CHCHD6: variants seen among roughly 807,000 people sequenced by gnomAD.
CHCHD6 encodes coiled-coil-helix-coiled-coil-helix domain containing 6, also known as MICOS complex subunit MIC25.
CHCHD6 carries 28 observed loss-of-function variants against 32.3 expected under a neutral mutation model. That is an observed-to-expected ratio of 0.87 (90% CI 0.64 to 1.19). CHCHD6 has a LOEUF of 1.19. Ranked by LOEUF, CHCHD6 falls within the 50% of genes most tolerant of loss-of-function variation. CHCHD6 has a pLI of 0.00. For synonymous variants in CHCHD6, 122 were observed against 117.5 expected (o/e 1.04, Z -0.25); for missense variants, 333 against 307.0 (o/e 1.08, Z -0.63).
chr3:126,852,843 C>A, intron 5 of CHCHD6, 113 bp downstream of exon 5: 1 of 692,058 alleles, frequency 1.4e-6, no homozygotes, highest in Non-Finnish European at 2.6e-6. Context: ...GCCCATTCGC[C>A]CAGATGCCAG....
rs544955430 is a variant in CHCHD6, at chr3:126,940,289, T to A, written c.567-17127T>A. 5.3e-5 allele frequency among the ~76,000 whole-genome samples: 8 copies of A among 152,346 alleles called. No individual in the cohort carries two copies. In the East Asian group the frequency reaches 1.3e-3, roughly 26 times the overall value. ...ACACAGCTGCACATAAATGAGACCA[T>A]GAGTTTGTGTTCAACACACAGTTCA... On this transcript the variant is annotated intron_variant, in intron 6 of 7. Coordinates refer to ENST00000290913, the MANE Select transcript of CHCHD6 (RefSeq NM_032343.3).
intron 4 of CHCHD6, among the ~76,000 whole-genome samples, chr3:126,838,700 A>G (rs1940957148): frequency 6.6e-6 from 1 of 152,214 alleles, no homozygotes; most frequent in African/African-American, 2.4e-5. Flanking sequence ...ACAGCAGGGC[A>G]GAATCACAGC....
chr3:126,822,497 G>T (rs544398749), intron 4 of CHCHD6, among the ~76,000 whole-genome samples: 18 of 152,320 alleles, frequency 1.2e-4, no homozygotes, highest in African/African-American at 4.1e-4. Context: ...GAAATCAAGA[G>T]ATGTGAGTCC....
At position 126,852,627 on chromosome 3, in the gene CHCHD6, C is replaced by G. The variant is rs1941511299; in HGVS notation, c.412-20C>G. 6.2e-7 allele frequency: 1 copy of G among 1,605,542 alleles called. No individual in the cohort carries two copies. The highest frequency in any genetic ancestry group is 1.3e-5 in the African/African-American group (1 of 74,760). Reference sequence around the variant, plus strand: ...CACCATCGCTGCTGGCTAACGTGGGCTTTGTTCTCTTCCAAGCAGGCCAGG... The same window carrying G: ...CACCATCGCTGCTGGCTAACGTGGGGTTTGTTCTCTTCCAAGCAGGCCAGG... On this transcript the variant is annotated intron_variant, in intron 4 of 7. Transcript: ENST00000290913.
intron 4 of CHCHD6, among the ~76,000 whole-genome samples, chr3:126,851,673 A>G (rs1448715935): frequency 6.6e-6 from 1 of 152,200 alleles, no homozygotes; most frequent in Non-Finnish European, 1.5e-5. Flanking sequence ...CCTGGGGCCT[A>G]GGCCTGGGAA....
intron 4 of CHCHD6, among the ~76,000 whole-genome samples, chr3:126,755,747 G>T (rs1345610340): frequency 6.6e-6 from 1 of 152,038 alleles, no homozygotes; most frequent in African/African-American, 2.4e-5. Context: ...GTATGAGATG[G>T]GAATGAAGTC....
At chr3:126,767,671 G>C (rs1178146506) in intron 4 of CHCHD6, among the ~76,000 whole-genome samples, 1 of 152,154 alleles carries the variant, frequency 6.6e-6, no homozygotes, top group Non-Finnish European at 1.5e-5. Context: ...CAGGGGTTTG[G>C]TGTACTAATA....
intron 6 of CHCHD6, among the ~76,000 whole-genome samples, chr3:126,923,786 G>A (rs570237607): frequency 1.3e-5 from 2 of 152,354 alleles, no homozygotes; most frequent in Middle Eastern, 3.4e-3. Flanking sequence ...TGTCAGGCAC[G>A]TAGTAAGCAC....
At chr3:126,838,645 C>G (rs1031730056) in intron 4 of CHCHD6, among the ~76,000 whole-genome samples, 4 of 152,202 alleles carry the variant, frequency 2.6e-5, no homozygotes, top group Admixed American at 2.6e-4. Context: ...GTGATAGTTT[C>G]TTCTTCAGAC....
At chr3:126,929,710 C>T (rs1284045849) in intron 6 of CHCHD6, among the ~76,000 whole-genome samples, 3 of 152,180 alleles carry the variant, frequency 2.0e-5, no homozygotes, top group Middle Eastern at 3.4e-3. Context: ...GGATTACAGG[C>T]GCCCACCACC....
At chr3:126,831,309 G>A (rs1212203724) in intron 4 of CHCHD6, among the ~76,000 whole-genome samples, 5 of 152,104 alleles carry the variant, frequency 3.3e-5, no homozygotes, top group Non-Finnish European at 7.4e-5. Context: ...ACAGGCATAA[G>A]CCACCGTACC....
At chr3:126,803,797 G>T (rs1939207097) in intron 4 of CHCHD6, among the ~76,000 whole-genome samples, 1 of 152,090 alleles carries the variant, frequency 6.6e-6, no homozygotes, top group African/African-American at 2.4e-5. Context: ...TTCCAAAATT[G>T]ACCACATAGT....
chr3:126,730,552 C>T lies in CHCHD6; in HGVS notation c.197-9C>T. ...CACTGACAGGCCCTTTCTTCTCTTT[C>T]CTTTGCAGAATCCACACTGCCCAGG... On this transcript the variant is annotated splice_polypyrimidine_tract_variant and intron_variant, in intron 2 of 7. Coordinates refer to ENST00000290913, the MANE Select transcript of CHCHD6 (RefSeq NM_032343.3). 6.2e-7 allele frequency: 1 copy of T among 1,612,988 alleles called. No homozygotes were observed. Among genetic ancestry groups the T allele is most frequent in the South Asian group, 1.1e-5 (1 of 90,932 alleles).
At chr3:126,942,015 C>A (rs1362642831) in intron 6 of CHCHD6, among the ~76,000 whole-genome samples, 2 of 152,196 alleles carry the variant, frequency 1.3e-5, no homozygotes, top group Non-Finnish European at 2.9e-5. Context: ...TCTTTCGTGT[C>A]TCTCTCCACC....
chr3:126,749,100 G>C (rs1197412373), intron 4 of CHCHD6, among the ~76,000 whole-genome samples: 2 of 152,144 alleles, frequency 1.3e-5, no homozygotes, highest in Non-Finnish European at 2.9e-5. Flanking sequence ...CCCGGCCTGG[G>C]TGGTAGAGAG....
At chr3:126,931,145 G>A (rs570662422) in intron 6 of CHCHD6, among the ~76,000 whole-genome samples, 2 of 152,264 alleles carry the variant, frequency 1.3e-5, no homozygotes, top group South Asian at 2.1e-4. Flanking sequence ...GCTTCCCACC[G>A]TCACTGCCCA....
intron 5 of CHCHD6, among the ~76,000 whole-genome samples, chr3:126,869,470 C>T (rs563323999): frequency 6.6e-6 from 1 of 152,054 alleles, no homozygotes; most frequent in Admixed American, 6.5e-5. Flanking sequence ...TTTCTTGCCC[C>T]ACATCTATAC....
At chr3:126,867,887 T>C in intron 5 of CHCHD6, among the ~76,000 whole-genome samples, 1 of 152,334 alleles carries the variant, frequency 6.6e-6, no homozygotes, top group South Asian at 2.1e-4. Context: ...CATCCACCTG[T>C]TTCAGGCAGA....
At chr3:126,925,188 A>G (rs2078305336) in intron 6 of CHCHD6, among the ~76,000 whole-genome samples, 1 of 152,054 alleles carries the variant, frequency 6.6e-6, no homozygotes, top group Non-Finnish European at 1.5e-5. Flanking sequence ...GGTGCCTGGC[A>G]CTCCATTTGG....
Sources: gnomAD v4.1 joint callset for allele counts (sites outside exome capture counted in the v4.1 genomes callset) on GRCh38, gnomAD v4.1.1 for gene constraint, MANE v1.5 for transcripts, NCBI Gene and HGNC (gene_info 2026-07-23, HGNC 2026-07-21) for gene names.